ADGRG1: variants seen among roughly 807,000 people sequenced by gnomAD.
ADGRG1 encodes the protein 7-transmembrane protein with no EGF-like N-terminal domains-1.
Under a neutral mutation model 73.5 loss-of-function variants are expected in ADGRG1, and 53 were observed. The ratio of observed to expected loss-of-function variants is 0.72; its 90% confidence interval spans 0.58 to 0.91. The LOEUF (loss-of-function observed/expected upper bound fraction) is 0.91, where lower values mean the gene tolerates loss of function less well. Ranked by LOEUF, ADGRG1 falls within the 40% of genes least tolerant of loss-of-function variation. The probability of loss-of-function intolerance (pLI) is 0.00; values close to 1 mark genes in which losing one functional copy is unlikely to be tolerated. For missense variants in ADGRG1, 795 were observed against 871.8 expected, an observed-to-expected ratio of 0.91 and a Z score of 1.11; for synonymous variants, 394 against 374.4, an observed-to-expected ratio of 1.05 and a Z score of -0.60.
intron 1 of ADGRG1, chr16:57,632,730 T>A (rs1001493973): frequency 4.2e-6 from 4 of 963,270 alleles, no homozygotes; most frequent in Admixed American, 6.2e-5. Flanking sequence ...GTTTGTGGTA[T>A]GCTTGGCAGT....
intron 1 of ADGRG1, among the ~76,000 whole-genome samples, chr16:57,649,363 AAGG>A (rs2043458674): frequency 6.6e-6 from 1 of 152,092 alleles, no homozygotes; most frequent in African/African-American, 2.4e-5. Flanking sequence ...CTGGCTGACC[AAGG>A]AGGAGGGAAT....
chr16:57,651,063 C>T (rs2148219170), intron 2 of ADGRG1, 137 bp from the exon 3 acceptor site: 2 of 1,577,552 alleles, frequency 1.3e-6, no homozygotes, highest in South Asian at 1.1e-5. Flanking sequence ...GAAAGACTAA[C>T]ACATTTTTGT....
At chr16:57,662,880 G>T in intron 13 of ADGRG1, 1 of 975,354 alleles carries the variant, frequency 1.0e-6, no homozygotes, top group Non-Finnish European at 1.2e-6. Context: ...GCTCTCATGG[G>T]GTTCAAGGCC....
At chr16:57,624,952 G>C (rs935744202), upstream of ADGRG1, among the ~76,000 whole-genome samples, 1 of 152,156 alleles carries the variant, frequency 6.6e-6, no homozygotes, top group Non-Finnish European at 1.5e-5. Flanking sequence ...CCACTTGGCA[G>C]GCGAGGAGAT....
At chr16:57,658,965 T>C in intron 10 of ADGRG1, 1 of 985,122 alleles carries the variant, frequency 1.0e-6, no homozygotes, top group Non-Finnish European at 1.2e-6. Flanking sequence ...GGGTGGGGTG[T>C]GCACACATTG....
rs1429519488 is a variant in ADGRG1 at position 57,628,953 on chromosome 16, AGAGTGTGT to A, written c.-36+159_-36+166del. On this transcript the variant is annotated intron_variant, in intron 1 of 13. Coordinates refer to ENST00000562631, the MANE Select transcript of ADGRG1 (RefSeq NM_201525.4). ...GTGTGAGTGTGAGCGTGAGAGTGTGAGAGTGTGTGAGTGTGAGTGTGTGAGAGTGAGTG... is the reference window on the plus strand; with the variant it reads ...GTGTGAGTGTGAGCGTGAGAGTGTGAGAGTGTGAGTGTGTGAGAGTGAGTG... The A allele has an allele frequency of 1.0e-4, 61 of 587,350 alleles. 1 individual carries two copies. The East Asian group carries it at 5.9e-3, about 57-fold the overall frequency. The allele number at this position is 587,350 out of a possible 1,614,324, so 36.4% of individuals were successfully genotyped here.
intron 1 of ADGRG1, chr16:57,633,231 C>A: frequency 1.3e-6 from 1 of 746,914 alleles, no homozygotes; most frequent in Non-Finnish European, 1.6e-6. Flanking sequence ...ATGTACCTAG[C>A]ACAGTGCATG....
intron 4 of ADGRG1, 84 bp from the exon 5 acceptor site, chr16:57,653,902 C>G: frequency 6.2e-7 from 1 of 1,604,512 alleles, no homozygotes; most frequent in South Asian, 1.1e-5. Context: ...GTGTCTCTGT[C>G]TGAGTCTCTC....
upstream of ADGRG1, chr16:57,627,857 T>A: frequency 1.0e-6 from 1 of 982,908 alleles, no homozygotes; most frequent in Non-Finnish European, 1.2e-6. Context: ...AGAAGGGGGA[T>A]GGGGCATGGT....
In ADGRG1 at chr16:57,661,706, C is replaced by T; in HGVS notation, c.1674C>T (p.Ile558=). The T allele has an allele frequency of 6.2e-7, 1 of 1,613,678 alleles. No individual in the cohort carries two copies. The change falls in exon 13 of 14, where the codon ATC becomes ATT. Residue 558 remains isoleucine, a synonymous_variant. Transcript: ENST00000562631. ...EGVIYPSMCW[I]RDSLVSYITN... ...CTGCCTTTGCCCGCAGGTGCTGGAT[C>T]CGGGACTCCCTGGTCAGCTACATCA...
chr16:57,628,990 A>AGTATGAGTGTG (rs1567669704), intron 1 of ADGRG1, 188 bp downstream of exon 1: 1 of 350,872 alleles, frequency 2.9e-6, no homozygotes, highest in Non-Finnish European at 3.5e-6. Flanking sequence ...GTGAGTGAGA[A>AGTATGAGTGTG]TGTGAGTGTG....
At chr16:57,658,232 C>G (rs2046232648) in intron 10 of ADGRG1, among the ~76,000 whole-genome samples, 1 of 152,230 alleles carries the variant, frequency 6.6e-6, no homozygotes. Context: ...TAACGTGTGT[C>G]AAACTTCCCG....
chr16:57,635,197 G>GC (rs113405447), intron 1 of ADGRG1: 4 of 985,192 alleles, frequency 4.1e-6, no homozygotes, highest in African/African-American at 3.5e-5. Context: ...CACTTCCCCT[G>GC]CCCCCCACCT....
At chr16:57,640,547 G>A (rs1380193793) in intron 1 of ADGRG1, among the ~76,000 whole-genome samples, 4 of 152,236 alleles carry the variant, frequency 2.6e-5, no homozygotes, top group Non-Finnish European at 5.9e-5. Context: ...TGGAGGTGGT[G>A]AGCACCCCGC....
intron 1 of ADGRG1, chr16:57,647,850 C>T (rs1487156988): frequency 1.6e-5 from 13 of 818,942 alleles, no homozygotes; most frequent in Non-Finnish European, 1.9e-5. Flanking sequence ...CCCATGTTGT[C>T]GCTTCACTTG....
At chr16:57,628,903 TGTGAGTGTGTGAGA>T (rs1335351678) in intron 1 of ADGRG1, 101 bp downstream of exon 1, 9 of 845,190 alleles carry the variant, frequency 1.1e-5, no homozygotes, top group African/African-American at 2.6e-5. Context: ...AGTGTGTGAG[TGTGAGTGTGTGAGA>T]GTGAGTGTGA....
upstream of ADGRG1, chr16:57,620,009 G>T (rs1299063345): frequency 6.6e-6 from 1 of 152,318 alleles, no homozygotes; most frequent in Non-Finnish European, 1.5e-5. Context: ...GACAGGCGGA[G>T]CCTCACCTGG....
chr16:57,649,114 C>T (rs1326419767), intron 1 of ADGRG1, among the ~76,000 whole-genome samples: 1 of 152,200 alleles, frequency 6.6e-6, no homozygotes, highest in Non-Finnish European at 1.5e-5. Flanking sequence ...CAGGGCGGGG[C>T]AATACCGAGT....
chr16:57,663,255 G>A, intron 13 of ADGRG1, 197 bp from the exon 14 acceptor site: 1 of 904,688 alleles, frequency 1.1e-6, no homozygotes, highest in Non-Finnish European at 1.3e-6. Context: ...TTGTGACAGT[G>A]AGAGGCCACA....
Sources: allele counts gnomAD v4.1 joint callset (sites outside exome capture counted in the v4.1 genomes callset), GRCh38; gene constraint gnomAD v4.1.1; transcripts MANE v1.5; gene names NCBI Gene and HGNC (gene_info 2026-07-23, HGNC 2026-07-21).